Variants in SLC8A2 observed in about 807,000 individuals in gnomAD.
The protein encoded by SLC8A2 is solute carrier family 8 member A2, also known as sodium/calcium exchanger 2.
Under a neutral mutation model 70.2 loss-of-function variants are expected in SLC8A2, and 14 were observed. The observed-to-expected ratio is 0.20, with a 90% CI of 0.13 to 0.31. SLC8A2 has a LOEUF of 0.31. SLC8A2 is among the 10% of genes least tolerant of loss of function. The pLI is 1.00. For synonymous variants in SLC8A2, 575 were observed against 594.3 expected, an observed-to-expected ratio of 0.97 and a Z score of 0.47; for missense variants, 779 against 1,320.1, an observed-to-expected ratio of 0.59 and a Z score of 6.35.
At chr19:47,452,435 AGAGAGAGAGAGTGTGTGTGTGTGTGTGT>A (rs1967252038) in intron 3 of SLC8A2, among the ~76,000 whole-genome samples, 1 of 94,892 alleles carries the variant, frequency 1.1e-5, no homozygotes, top group African/African-American at 4.6e-5. Flanking sequence ...AGAGAGAGAG[AGAGAGAGAGAGTGTGTGTGTGTGTGTGT>A]GTGTGTGTGT....
rs1967052727 is a variant in SLC8A2 at position 47,437,993 on chromosome 19, G to A, written c.1886-20C>T. 6.2e-7 allele frequency: 1 copy of A among 1,613,770 alleles called. No individual in the cohort carries two copies. Among genetic ancestry groups the A allele is most frequent in the Admixed American group, 1.7e-5 (1 of 59,990 alleles). ...CATCCCCTGCAGCATGAGGGGTGGG[G>A]GTTAGACTCCTGGGAGACCTACCTA... is the stretch of plus-strand genomic sequence containing the variant. On this transcript the variant is annotated intron_variant, in intron 6 of 9. Coordinates refer to ENST00000236877, the MANE Select transcript of SLC8A2 (RefSeq NM_015063.3).
At chr19:47,462,410 A>G (rs2122650352) in intron 2 of SLC8A2, among the ~76,000 whole-genome samples, 1 of 149,370 alleles carries the variant, frequency 6.7e-6, no homozygotes, top group Admixed American at 6.7e-5. Context: ...GATTACAGGC[A>G]TGCACCACCA....
rs1467702807 is a variant in SLC8A2, at chr19:47,437,864, C to T, written c.1995G>A (p.Glu665=). The T allele has an allele frequency of 2.5e-6, 4 of 1,613,998 alleles. No individual in the cohort carries two copies. The highest frequency in any genetic ancestry group is 2.7e-5 in the African/African-American group (2 of 74,902). ...GGAAAATCACCTTAAAATCATATGA[C>T]TCCTCGATGATGACCTCCAGCCGGC... is the stretch of plus-strand genomic sequence containing the variant. ...ENCRLEVIIE[E]SYDFKNTVDK... The change falls in exon 7 of 10, where the codon GAG becomes GAA. Residue 665 remains glutamate (E), a synonymous_variant. Coordinates refer to ENST00000236877, the MANE Select transcript of SLC8A2 (RefSeq NM_015063.3).
At chr19:47,431,639 G>A (rs979111580) in intron 9 of SLC8A2, among the ~76,000 whole-genome samples, 17 of 125,858 alleles carry the variant, frequency 1.4e-4, no homozygotes, top group East Asian at 2.5e-4. Context: ...GTGACAGAGC[G>A]AGACTCTGTC....
intron 6 of SLC8A2, among the ~76,000 whole-genome samples, chr19:47,438,265 T>G (rs534118147): frequency 6.6e-6 from 1 of 152,278 alleles, no homozygotes; most frequent in South Asian, 2.1e-4. Flanking sequence ...TCATAACTGT[T>G]AAACGGGCAC....
At chr19:47,450,093 C>T (rs1967216765) in intron 3 of SLC8A2, among the ~76,000 whole-genome samples, 1 of 152,092 alleles carries the variant, frequency 6.6e-6, no homozygotes, top group Non-Finnish European at 1.5e-5. Flanking sequence ...CAGACATCAG[C>T]GTGACTCTGG....
At chr19:47,457,726 T>G (rs1967326716) in intron 2 of SLC8A2, 132 bp from the exon 3 acceptor site, 1 of 447,246 alleles carries the variant, frequency 2.2e-6, no homozygotes, top group African/African-American at 2.1e-5. Context: ...CCGTCGTCTC[T>G]CCCTATCCCT....
chr19:47,459,977 G>A (rs945737420), intron 2 of SLC8A2, among the ~76,000 whole-genome samples: 2 of 151,756 alleles, frequency 1.3e-5, no homozygotes, highest in Non-Finnish European at 2.9e-5. Flanking sequence ...AAGGGACAGA[G>A]CCTGTGTGTC....
Position 47,432,370 on chromosome 19 carries a change from AG to A in SLC8A2, c.2185del (p.Leu729Ter). The A allele has an allele frequency of 6.2e-7, 1 of 1,614,008 alleles. No individual in the cohort carries two copies. Among genetic ancestry groups the A allele is most frequent in the Non-Finnish European group, 8.5e-7 (1 of 1,179,958 alleles). ...GAAGAGCACCTTCCAGAACACCGTC[AG>A]GAAGTGCATCACGTAGTCAAAGCAC... ...PSCFDYVMHF[L>X]TVFWKVLFAC... On this transcript the variant is annotated frameshift_variant, in exon 9 of 10. Coordinates refer to ENST00000236877, the MANE Select transcript of SLC8A2 (RefSeq NM_015063.3). LOFTEE classifies it high-confidence loss of function. This position sits in a 1 kb window ranked among gnomAD's most constrained non-coding sequence, Gnocchi z 6.2.
chr19:47,431,658 A>C (rs1966962267), intron 9 of SLC8A2, among the ~76,000 whole-genome samples: 1 of 40,890 alleles, frequency 2.4e-5, no homozygotes, highest in African/African-American at 5.3e-5. Flanking sequence ...TCCCCACACC[A>C]AAAAAAAAAA....
chr19:47,429,945 G>A lies in SLC8A2; in HGVS notation c.*144C>T. The stretch of plus-strand genomic sequence containing the variant: ...GGGGACACAGAACAGGGCAATCAAA[G>A]CCAGGGGAGGGGGCGGAGAAGGGAG... On this transcript the variant is annotated 3_prime_UTR_variant, in exon 10 of 10. Coordinates refer to ENST00000236877, the MANE Select transcript of SLC8A2 (RefSeq NM_015063.3). The A allele has an allele frequency of 2.5e-6, 2 of 793,836 alleles. No homozygotes were observed. The highest frequency in any genetic ancestry group is 3.9e-6 in the Non-Finnish European group (2 of 511,134). 49.2% of individuals were successfully genotyped at this position (793,836 alleles called of 1,614,324 possible).
chr19:47,430,374 G>A lies in SLC8A2; in HGVS notation c.2481C>T (p.Phe827=), dbSNP rs752420105. 1.9e-5 allele frequency: 30 copies of A among 1,611,634 alleles called. No homozygotes were observed. Among genetic ancestry groups the A allele is most frequent in the South Asian group, 1.5e-4 (14 of 90,960 alleles). ...NVTGSNAVNV[F]LGLGVAWSVA... ...CAGACCAGGCGACGCCCAGGCCAAG[G>A]AACACGTTCACCGCGTTGGAGCCGG... is the stretch of plus-strand genomic sequence containing the variant. The change falls in exon 10 of 10, where the codon TTC becomes TTT. Residue 827 remains phenylalanine, a synonymous_variant. Coordinates refer to ENST00000236877, the MANE Select transcript of SLC8A2 (RefSeq NM_015063.3). This position sits in a 1 kb window ranked among gnomAD's most constrained non-coding sequence, Gnocchi z 5.9.
intron 8 of SLC8A2, among the ~76,000 whole-genome samples, chr19:47,437,155 GTC>G (rs1455543775): frequency 6.6e-6 from 1 of 151,906 alleles, no homozygotes; most frequent in African/African-American, 2.4e-5. Flanking sequence ...TCTTCTCCAT[GTC>G]TCTCTGATTC....
In SLC8A2 at chr19:47,466,599, G is replaced by A. The variant is rs1360185299; in HGVS notation, c.-16-180C>T. On this transcript the variant is annotated intron_variant, in intron 1 of 9. Coordinates refer to ENST00000236877, the MANE Select transcript of SLC8A2 (RefSeq NM_015063.3). The surrounding 1 kb of genome is among the most constrained non-coding windows in gnomAD (Gnocchi z 6.9). ...AGACAGAGACCCACAGAGAGAGAGA[G>A]AGACTGAAAGATAAGGACAGAGGAA... is the stretch of plus-strand genomic sequence containing the variant. Among the ~76,000 whole-genome samples the A allele has an allele frequency of 1.3e-5, 2 of 152,086 alleles. No homozygotes were observed. The highest frequency in any genetic ancestry group is 4.8e-5 in the African/African-American group (2 of 41,398).
At chr19:47,446,511 C>CCT (rs1289473991) in intron 4 of SLC8A2, among the ~76,000 whole-genome samples, 5 of 152,072 alleles carry the variant, frequency 3.3e-5, no homozygotes, top group African/African-American at 1.2e-4. Flanking sequence ...CACTACAGCA[C>CCT]CTAACTCGTG....
chr19:47,443,942 C>T (rs1967128737), intron 4 of SLC8A2, among the ~76,000 whole-genome samples: 1 of 152,138 alleles, frequency 6.6e-6, no homozygotes, highest in Non-Finnish European at 1.5e-5. Context: ...GTTGCCCAGG[C>T]TGGAGTGCAG....
At position 47,460,786 on chromosome 19, in the gene SLC8A2, T is replaced by G. The variant is rs532512909; in HGVS notation, c.676-3192A>C. Among the ~76,000 whole-genome samples, 7 of 151,888 alleles carry G rather than the reference T, an allele frequency of 4.6e-5. No homozygotes were observed. In the South Asian group the frequency reaches 1.3e-3, roughly 27 times the overall value. On this transcript the variant is annotated intron_variant, in intron 2 of 9. Coordinates refer to ENST00000236877, the MANE Select transcript of SLC8A2 (RefSeq NM_015063.3). ...TCTTGGGCTTGCAGAGGCCTAAGAC[T>G]CAGTCTGCTGGTGGCCCAGCACAGG...
rs756586829 is a variant in SLC8A2 at position 47,465,193 on chromosome 19, C to T, written c.675+536G>A. The stretch of plus-strand genomic sequence containing the variant: ...GCCCATGGATAAATTATGCAAATTG[C>T]ACTAAGTTACTCAAGCCAATTAGCA... On this transcript the variant is annotated intron_variant, in intron 2 of 9. Transcript: ENST00000236877. This position sits in a 1 kb window ranked among gnomAD's most constrained non-coding sequence, Gnocchi z 5.5. Among the ~76,000 whole-genome samples, 1 of 152,120 alleles carries T rather than the reference C, an allele frequency of 6.6e-6. No individual in the cohort carries two copies.
At chr19:47,436,853 C>T (rs1967035739) in intron 8 of SLC8A2, among the ~76,000 whole-genome samples, 1 of 152,114 alleles carries the variant, frequency 6.6e-6, no homozygotes, top group Non-Finnish European at 1.5e-5. Flanking sequence ...GGGTGGTGAC[C>T]CGCGCAGGTA....
Sources: gnomAD v4.1 joint callset for allele counts (sites outside exome capture counted in the v4.1 genomes callset) on GRCh38, gnomAD v4.1.1 for gene constraint, Gnocchi (gnomAD v3.1) non-coding constraint, MANE v1.5 for transcripts, NCBI Gene and HGNC (gene_info 2026-07-23, HGNC 2026-07-21) for gene names.